Variants in ACSS2 observed in about 807,000 individuals in gnomAD.
ACSS2 encodes acyl-CoA synthetase short chain family member 2.
In ACSS2, 58 loss-of-function variants were observed where a neutral mutation model predicts 90.6. The observed-to-expected ratio is 0.64, with a 90% CI of 0.52 to 0.80. The LOEUF (loss-of-function observed/expected upper bound fraction) is 0.80. ACSS2 is among the 30% of genes least tolerant of loss of function. The pLI is 0.00. For synonymous variants in ACSS2, 300 were observed against 330.9 expected (o/e 0.91, Z 1.01); for missense variants, 759 against 912.0 (o/e 0.83, Z 2.16).
At position 34,925,610 on chromosome 20, in the gene ACSS2, CT is replaced by C; in HGVS notation, c.1658-87del. 3 of 1,392,142 alleles carry C rather than the reference CT, an allele frequency of 2.2e-6. No individual in the cohort carries two copies. The Admixed American group carries it at 6.1e-5, about 28-fold the overall frequency. The allele number at this position is 1,392,142 out of a possible 1,614,324, so 86.2% of individuals were successfully genotyped here. ...GGAAGCAGGAAGACTTGTTAGAAGGCTATTGCAGAAGGTGTAGCAGTTTGGT... is the reference window on the plus strand; with the variant it reads ...GGAAGCAGGAAGACTTGTTAGAAGGCATTGCAGAAGGTGTAGCAGTTTGGT... On this transcript the variant is annotated intron_variant, in intron 14 of 17. Transcript: ENST00000360596.
intron 2 of ACSS2, among the ~76,000 whole-genome samples, 192 bp from the exon 3 acceptor site, chr20:34,912,904 T>C (rs571729008): frequency 7.2e-5 from 11 of 152,208 alleles, no homozygotes; most frequent in African/African-American, 2.7e-4. Flanking sequence ...GTATAAAATA[T>C]CTTGAATGGC....
chr20:34,926,109 C>A lies in ACSS2; in HGVS notation c.1731C>A (p.His577Gln). ...RIDDMLNVSG[H>Q]LLSTAEVESA... is the part of the protein sequence containing the mutation. ...CACTTCCTTTCCCTTGACAAGGACA[C>A]CTGCTGAGTACAGCAGAGGTGGAGT... is the stretch of plus-strand genomic sequence containing the variant. The change falls in exon 16 of 18, where the codon CAC (histidine) becomes CAA (glutamine). Residue 577 changes from histidine to glutamine, a missense_variant. By Grantham distance (24) the His-to-Gln change is conservative. Transcript: ENST00000360596. 3.1e-6 allele frequency: 5 copies of A among 1,614,018 alleles called. No homozygotes were observed. The highest frequency in any genetic ancestry group is 8.5e-7 in the Non-Finnish European group (1 of 1,179,890).
At chr20:34,914,268 G>C in intron 6 of ACSS2, 55 bp from the exon 7 acceptor site, 1 of 1,603,490 alleles carries the variant, frequency 6.2e-7, no homozygotes, top group South Asian at 1.1e-5. Flanking sequence ...GGTGGGTCTT[G>C]CCAAGTTCCC....
intron 7 of ACSS2, among the ~76,000 whole-genome samples, chr20:34,916,923 G>C (rs2081088197): frequency 6.6e-6 from 1 of 152,130 alleles, no homozygotes; most frequent in South Asian, 2.1e-4. Context: ...TCTTATTTTA[G>C]AAAATTCAGA....
chr20:34,924,127 T>A (rs1037148560), intron 14 of ACSS2, among the ~76,000 whole-genome samples: 3 of 152,166 alleles, frequency 2.0e-5, no homozygotes, highest in African/African-American at 7.2e-5. Context: ...TGGCAGTGCA[T>A]GACTATTATG....
intron 2 of ACSS2, among the ~76,000 whole-genome samples, chr20:34,899,529 G>A (rs1237186957): frequency 1.4e-4 from 20 of 142,086 alleles, no homozygotes; most frequent in South Asian, 4.5e-4. Flanking sequence ...TGCTCTTGTC[G>A]CCCAGGCTGG....
At chr20:34,884,374 C>T in intron 2 of ACSS2, among the ~76,000 whole-genome samples, 1 of 152,170 alleles carries the variant, frequency 6.6e-6, no homozygotes, top group Non-Finnish European at 1.5e-5. Flanking sequence ...GAGCCTTAAC[C>T]TGAGAGACAA....
chr20:34,901,689 C>T (rs1009538351), intron 2 of ACSS2, among the ~76,000 whole-genome samples: 1 of 152,124 alleles, frequency 6.6e-6, no homozygotes, highest in African/African-American at 2.4e-5. Context: ...GTTGGAAGGG[C>T]TGTAAAGGTC....
chr20:34,876,505 C>G, upstream of ACSS2: 2 of 1,045,692 alleles, frequency 1.9e-6, no homozygotes, highest in Non-Finnish European at 2.5e-6. Context: ...TCTGGCACCG[C>G]CCACCCGCCA....
At position 34,926,861 on chromosome 20, in the gene ACSS2, G is replaced by A; in HGVS notation, c.1904-16G>A. 6.2e-7 allele frequency: 1 copy of A among 1,613,996 alleles called. No individual in the cohort carries two copies. On this transcript the variant is annotated splice_polypyrimidine_tract_variant and intron_variant, in intron 16 of 17. Coordinates refer to ENST00000360596, the MANE Select transcript of ACSS2 (RefSeq NM_018677.4). ...TAAGGGTGCTGAAGAAATGCTTGAT[G>A]ATTTGTTGGTTACAGTTAGAGAAAA...
intron 2 of ACSS2, among the ~76,000 whole-genome samples, chr20:34,888,152 A>T (rs1054125385): frequency 6.6e-6 from 1 of 151,888 alleles, no homozygotes; most frequent in Admixed American, 6.6e-5. Flanking sequence ...CACAGAAAGG[A>T]AAAAGCCTTA....
intron 2 of ACSS2, among the ~76,000 whole-genome samples, chr20:34,906,631 C>A (rs1194469587): frequency 6.6e-6 from 1 of 152,078 alleles, no homozygotes; most frequent in African/African-American, 2.4e-5. Context: ...TGTGCACTCT[C>A]TATGTACTAG....
At chr20:34,898,677 C>A (rs2080533464) in intron 2 of ACSS2, among the ~76,000 whole-genome samples, 2 of 152,240 alleles carry the variant, frequency 1.3e-5, no homozygotes, top group African/African-American at 4.8e-5. Context: ...TATTTACAAT[C>A]CCTTAGCTAG....
rs764139474 is a variant in ACSS2, at chr20:34,876,800, G to T, written c.155G>T (p.Arg52Leu). 1.5e-6 allele frequency: 2 copies of T among 1,322,074 alleles called. No homozygotes were observed. The highest frequency in any genetic ancestry group is 1.9e-6 in the Non-Finnish European group (2 of 1,031,114). The allele number at this position is 1,322,074 out of a possible 1,614,324, so 81.9% of individuals were successfully genotyped here. A position where few individuals can be genotyped will look rare whatever the true frequency, so the allele number is the denominator to read the frequency against. Residue 52 changes from arginine (R) to leucine (L), a missense_variant, in exon 1 of 18, where the codon CGG becomes CTG. Physicochemically the swap from Arg to Leu is moderately radical, Grantham distance 102. Coordinates refer to ENST00000360596, the MANE Select transcript of ACSS2 (RefSeq NM_018677.4). ...CTGCAGCGCTACCGCGAGCTGCACCGGCGCTCCGTGGAGGAGCCGCGGGGT... is the reference window on the plus strand; with the variant it reads ...CTGCAGCGCTACCGCGAGCTGCACCTGCGCTCCGTGGAGGAGCCGCGGGGT... ...PSLQRYRELH[R>L]RSVEEPREFW...
chr20:34,883,332 C>T (rs2080111922), intron 2 of ACSS2, among the ~76,000 whole-genome samples: 1 of 152,236 alleles, frequency 6.6e-6, no homozygotes, highest in South Asian at 2.1e-4. Context: ...ACTACCACTA[C>T]CATTATCATT....
intron 2 of ACSS2, among the ~76,000 whole-genome samples, chr20:34,887,082 C>T (rs557582037): frequency 7.2e-5 from 11 of 152,272 alleles, no homozygotes; most frequent in Admixed American, 5.9e-4. Flanking sequence ...CAAATGTTCA[C>T]GGAATAGTAG....
At chr20:34,892,997 G>T (rs1167034996) in intron 2 of ACSS2, among the ~76,000 whole-genome samples, 1 of 152,156 alleles carries the variant, frequency 6.6e-6, no homozygotes, top group African/African-American at 2.4e-5. Flanking sequence ...ACTTTAGTTG[G>T]CCAATATCTC....
intron 2 of ACSS2, among the ~76,000 whole-genome samples, chr20:34,897,938 G>A (rs1395866933): frequency 6.6e-6 from 1 of 152,204 alleles, no homozygotes; most frequent in Non-Finnish European, 1.5e-5. Context: ...GAATTGGTGG[G>A]TTCTTGGTCT....
At chr20:34,883,627 A>C (rs1207499629) in intron 2 of ACSS2, among the ~76,000 whole-genome samples, 1 of 152,240 alleles carries the variant, frequency 6.6e-6, no homozygotes, top group African/African-American at 2.4e-5. Flanking sequence ...TTTGTAAAAT[A>C]GGAATTCTTA....
Sources: allele counts gnomAD v4.1 joint callset (sites outside exome capture counted in the v4.1 genomes callset), GRCh38; gene constraint gnomAD v4.1.1; transcripts MANE v1.5; gene names NCBI Gene and HGNC (gene_info 2026-07-23, HGNC 2026-07-21).